Variants in ZBED4 observed in about 807,000 individuals in gnomAD.
The protein encoded by ZBED4 is zinc finger BED domain-containing protein 4.
ZBED4 carries 4 observed loss-of-function variants against 15.5 expected under a neutral mutation model. The observed-to-expected ratio is 0.26, with a 90% confidence interval of 0.13 to 0.59. The LOEUF is 0.59. ZBED4 is among the 20% of genes least tolerant of loss of function. ZBED4 has a pLI of 0.90. For missense variants in ZBED4, 1,323 were observed against 1,461.8 expected (o/e 0.91, Z 1.55); for synonymous variants, 692 against 608.5 (o/e 1.14, Z -2.02).
chr22:49,885,989 A>G lies in ZBED4; in HGVS notation c.2327A>G (p.Asp776Gly), dbSNP rs901571662. ...CSALLDVSQV[D>G]CDYSGNSIQK... ...GCGCTGTTGGACGTGTCGCAGGTGG[A>G]CTGCGACTACAGTGGCAACAGCATT... Residue 776 changes from aspartate to glycine, a missense_variant, in exon 2 of 2, where the codon GAC (aspartate) becomes GGC (glycine). Transcript: ENST00000216268. 1 of 695,272 alleles carries G rather than the reference A, an allele frequency of 1.4e-6. No homozygotes were observed. The highest frequency in any genetic ancestry group is 2.5e-4 in the Middle Eastern group (1 of 3,928). 43.1% of individuals were successfully genotyped at this position (695,272 alleles called of 1,614,324 possible). A position where few individuals can be genotyped will look rare whatever the true frequency, so the allele number is the denominator to read the frequency against.
rs762477740 is a variant in ZBED4 at position 49,886,368 on chromosome 22, C to T, written c.2706C>T (p.Leu902=). Residue 902 remains leucine, a synonymous_variant, in exon 2 of 2, where the codon CTC becomes CTT. Coordinates refer to ENST00000216268, the MANE Select transcript of ZBED4 (RefSeq NM_014838.3). This position sits in a 1 kb window ranked among gnomAD's most constrained non-coding sequence, Gnocchi z 7.7. ...WSTSFHMLER[L]IEQKRAINEM... is the part of the protein sequence containing the mutation. Reference sequence around the variant, plus strand: ...CTTCCTTCCACATGCTCGAGCGGCTCATTGAGCAGAAAAGGGCCATTAACG... The same window carrying T: ...CTTCCTTCCACATGCTCGAGCGGCTTATTGAGCAGAAAAGGGCCATTAACG... 3.7e-6 allele frequency: 6 copies of T among 1,610,988 alleles called. No individual in the cohort carries two copies. In the Admixed American group the frequency reaches 6.7e-5, roughly 18 times the overall value.
rs1023941929 is a variant in ZBED4, at chr22:49,887,493, CAAAG to C, written c.*318_*321del. The C allele has an allele frequency of 3.0e-4, 75 of 248,972 alleles. No individual in the cohort carries two copies. In the Middle Eastern group the frequency reaches 4.7e-3, roughly 16 times the overall value. The allele number at this position is 248,972 out of a possible 1,614,324, so 15.4% of individuals were successfully genotyped here. A position where few individuals can be genotyped will look rare whatever the true frequency, so the allele number is the denominator to read the frequency against. ...TTAGTAATTTGTTTTACTAGAATGACAAAGAAGATGTAAACCATTTTATTCTGTA... is the reference window on the plus strand; with the variant it reads ...TTAGTAATTTGTTTTACTAGAATGACAAGATGTAAACCATTTTATTCTGTA... On this transcript the variant is annotated 3_prime_UTR_variant, in exon 2 of 2. Transcript: ENST00000216268.
rs753697177 is a variant in ZBED4 at position 49,884,408 on chromosome 22, A to C, written c.746A>C (p.Glu249Ala). The C allele has an allele frequency of 6.8e-6, 11 of 1,613,296 alleles. No individual in the cohort carries two copies. The highest frequency in any genetic ancestry group is 4.5e-5 in the East Asian group (2 of 44,876). The change falls in exon 2 of 2, where the codon GAA (glutamate) becomes GCA (alanine). Residue 249 changes from glutamate (E) to alanine (A), a missense_variant. By Grantham distance (107) the Glu-to-Ala change is moderately radical. Around this residue, in one of 6 missense-constraint regions of ZBED4, gnomAD observed 380 missense variants for 413.7 expected, o/e 0.92. Coordinates refer to ENST00000216268, the MANE Select transcript of ZBED4 (RefSeq NM_014838.3). ...GTTTCGGAGAAGTGCGGCAGAGAAG[A>C]AGCCCTGGTGGGGTCGTCTCCCCAC... ...MSVSEKCGRE[E>A]ALVGSSPHLP...
chr22:49,885,749 C>T lies in ZBED4; in HGVS notation c.2087C>T (p.Ala696Val), dbSNP rs1348088566. 1 of 1,603,764 alleles carries T rather than the reference C, an allele frequency of 6.2e-7. No individual in the cohort carries two copies. Among genetic ancestry groups the T allele is most frequent in the East Asian group, 2.2e-5 (1 of 44,634 alleles). Residue 696 changes from alanine (A) to valine (V), a missense_variant, in exon 2 of 2, where the codon GCC (alanine) becomes GTC (valine). Transcript: ENST00000216268. ...TTGAAACCTCAGTACTCCCTCCCCG[C>T]CCCTTCCTACTTCTCCAGGACAGCT... ...EYLKPQYSLP[A>V]PSYFSRTAIP...
At chr22:49,856,156 G>A (rs1435115176) in intron 1 of ZBED4, among the ~76,000 whole-genome samples, 3 of 152,220 alleles carry the variant, frequency 2.0e-5, no homozygotes, top group African/African-American at 7.2e-5. Flanking sequence ...TGCTTTTGTA[G>A]TTCAAATTCT....
At position 49,887,067 on chromosome 22, in the gene ZBED4, C is replaced by G; in HGVS notation, c.3405C>G (p.Phe1135Leu). ...GCATCGTCCCTTCAGAAAAGCTGTT[C>G]AACACACCCACTGAGAACGGTAGCC... Reference protein sequence around the residue: ...PPSIVPSEKLFNTPTENGSLG... With the variant: ...PPSIVPSEKLLNTPTENGSLG... Residue 1135 changes from phenylalanine to leucine, a missense_variant, in exon 2 of 2, where the codon TTC (phenylalanine) becomes TTG (leucine). Physicochemically the swap from Phe to Leu is conservative, Grantham distance 22. Coordinates refer to ENST00000216268, the MANE Select transcript of ZBED4 (RefSeq NM_014838.3). 2 of 1,614,194 alleles carry G rather than the reference C, an allele frequency of 1.2e-6. No homozygotes were observed. The highest frequency in any genetic ancestry group is 1.7e-6 in the Non-Finnish European group (2 of 1,180,048).
intron 1 of ZBED4, among the ~76,000 whole-genome samples, chr22:49,858,673 G>C (rs1454852479): frequency 6.6e-6 from 1 of 152,132 alleles, no homozygotes; most frequent in African/African-American, 2.4e-5. Context: ...AAAGGGAAAG[G>C]GACATTCTAC....
At chr22:49,854,091 G>GGGGCCA (rs915739974) in intron 1 of ZBED4, 102 bp downstream of exon 1, 21 of 145,102 alleles carry the variant, frequency 1.4e-4, no homozygotes, top group African/African-American at 5.2e-4. Context: ...GCGCCGCGCC[G>GGGGCCA]GGGCCAGGGC....
chr22:49,885,855 G>T lies in ZBED4; in HGVS notation c.2193G>T (p.Thr731=), dbSNP rs750555831. ...CTGAGAGTGGTGTGATCCACTTCACGTCTGGAATATGGATGAGTAACCAGA... is the reference window on the plus strand; with the variant it reads ...CTGAGAGTGGTGTGATCCACTTCACTTCTGGAATATGGATGAGTAACCAGA... The part of the protein sequence containing the change: ...KEAESGVIHF[T]SGIWMSNQTR... The change falls in exon 2 of 2, where the codon ACG becomes ACT. Residue 731 remains threonine, a synonymous_variant. Transcript: ENST00000216268. The T allele has an allele frequency of 6.9e-7, 1 of 1,443,182 alleles. No homozygotes were observed. 89.4% of individuals were successfully genotyped at this position (1,443,182 alleles called of 1,614,324 possible).
At chr22:49,863,885 A>T (rs543316922) in intron 1 of ZBED4, among the ~76,000 whole-genome samples, 1 of 152,218 alleles carries the variant, frequency 6.6e-6, no homozygotes, top group African/African-American at 2.4e-5. Flanking sequence ...CATATTTGGG[A>T]TGTTAAATTC....
intron 1 of ZBED4, among the ~76,000 whole-genome samples, chr22:49,856,214 G>A (rs1161488652): frequency 3.3e-5 from 5 of 152,202 alleles, no homozygotes; most frequent in Non-Finnish European, 5.9e-5. Context: ...TTTCTGAGGC[G>A]GAGGGGAGCA....
intron 1 of ZBED4, among the ~76,000 whole-genome samples, chr22:49,871,892 C>T (rs557906102): frequency 6.6e-6 from 1 of 151,852 alleles, no homozygotes; most frequent in Non-Finnish European, 1.5e-5. Context: ...ATTACAGGTG[C>T]ACACCAACAT....
At chr22:49,873,111 A>G (rs1054547063) in intron 1 of ZBED4, among the ~76,000 whole-genome samples, 4 of 152,242 alleles carry the variant, frequency 2.6e-5, no homozygotes, top group Admixed American at 6.5e-5. Flanking sequence ...GATTACAGAC[A>G]TGAGCCACTA....
intron 1 of ZBED4, among the ~76,000 whole-genome samples, chr22:49,856,100 C>T (rs1486174332): frequency 6.6e-6 from 1 of 152,222 alleles, no homozygotes; most frequent in African/African-American, 2.4e-5. Context: ...GGTTTTTCTA[C>T]ATTCTGCAGT....
upstream of ZBED4, chr22:49,852,929 G>C (rs1480975553): frequency 6.6e-6 from 1 of 152,348 alleles, no homozygotes; most frequent in Admixed American, 6.5e-5. Context: ...GCTGGACGTG[G>C]ACTTTGGAAC....
chr22:49,880,035 T>C (rs1217121294), intron 1 of ZBED4, among the ~76,000 whole-genome samples: 1 of 151,986 alleles, frequency 6.6e-6, no homozygotes, highest in Non-Finnish European at 1.5e-5. Context: ...TTTACTTTAT[T>C]GGGTGCAGGA....
chr22:49,853,598 G>C (rs1238114141), upstream of ZBED4, among the ~76,000 whole-genome samples: 2 of 152,080 alleles, frequency 1.3e-5, no homozygotes, highest in African/African-American at 4.8e-5. Context: ...CAGCGCCGGA[G>C]CGCCCACTGC....
Position 49,862,270 on chromosome 22 carries a change from CT to C in ZBED4, c.-330+8282del, listed in dbSNP as rs1569157287. Among the ~76,000 whole-genome samples the C allele has an allele frequency of 6.4e-4, 98 of 152,266 alleles. 1 individual carries two copies. The highest frequency in any genetic ancestry group is 2.3e-3 in the African/African-American group (96 of 41,542). On this transcript the variant is annotated intron_variant, in intron 1 of 1. Coordinates refer to ENST00000216268, the MANE Select transcript of ZBED4 (RefSeq NM_014838.3). The stretch of plus-strand genomic sequence containing the variant: ...CGCAAAGTCGCTTGGAAGGTGGTTT[CT>C]CTGTCTTTCTTATTTTTTGTGCGGC...
intron 1 of ZBED4, among the ~76,000 whole-genome samples, chr22:49,861,601 T>G (rs1233443134): frequency 2.0e-5 from 3 of 152,118 alleles, no homozygotes; most frequent in Admixed American, 6.5e-5. Flanking sequence ...GCCAGCTGAT[T>G]TTTTTCAAAT....
Sources: allele counts gnomAD v4.1 joint callset (sites outside exome capture counted in the v4.1 genomes callset), GRCh38; gene constraint gnomAD v4.1.1; regional missense constraint gnomAD v4.1.1; non-coding constraint Gnocchi (gnomAD v3.1); transcripts MANE v1.5; gene names NCBI Gene and HGNC (gene_info 2026-07-23, HGNC 2026-07-21).